NRG1: variants seen among roughly 807,000 people sequenced by gnomAD.
The protein encoded by NRG1 is neuregulin 1.
A neutral mutation model predicts 63.8 loss-of-function variants in NRG1; 18 were observed. The observed-to-expected ratio is 0.28, with a 90% CI of 0.19 to 0.42. NRG1 has a LOEUF of 0.42. NRG1 is among the 10% of genes least tolerant of loss of function. NRG1 has a pLI of 1.00. For synonymous variants in NRG1, 302 were observed against 301.3 expected (o/e 1.00, Z -0.02); for missense variants, 762 against 814.7 (o/e 0.94, Z 0.79).
chr8:32,066,012 T>C (rs1207684195), intron 1 of NRG1, among the ~76,000 whole-genome samples: 2 of 152,242 alleles, frequency 1.3e-5, no homozygotes, highest in African/African-American at 2.4e-5. Flanking sequence ...TCCTATCCTT[T>C]GCCCACTTTT....
At chr8:32,621,002 T>C (rs1220787806) in intron 5 of NRG1, among the ~76,000 whole-genome samples, 1 of 152,182 alleles carries the variant, frequency 6.6e-6, no homozygotes, top group African/African-American at 2.4e-5. Flanking sequence ...GAAATCATTC[T>C]TGACTGGAGG....
chr8:31,822,725 T>C (rs966956879), intron 1 of NRG1, among the ~76,000 whole-genome samples: 2 of 152,200 alleles, frequency 1.3e-5, no homozygotes, highest in Non-Finnish European at 2.9e-5. Context: ...TCTATATTCT[T>C]ATTTTGGAAG....
exon 8 of NRG1, chr8:32,754,451 T>G (rs1397196303): frequency 6.2e-7 from 1 of 1,613,892 alleles, no homozygotes; most frequent in Non-Finnish European, 8.5e-7. Flanking sequence ...GCATCATGTG[T>G]GTGGTGGCCT....
At chr8:32,039,514 TTA>T (rs1819595746) in intron 1 of NRG1, among the ~76,000 whole-genome samples, 1 of 152,232 alleles carries the variant, frequency 6.6e-6, no homozygotes, top group East Asian at 1.9e-4. Context: ...AGCACAGTTC[TTA>T]TAGTAAATGT....
chr8:32,309,348 T>A (rs1856565740), intron 1 of NRG1, among the ~76,000 whole-genome samples: 1 of 152,168 alleles, frequency 6.6e-6, no homozygotes, highest in Non-Finnish European at 1.5e-5. Flanking sequence ...GTGACTCCCC[T>A]AGAAAATGTA....
intron 1 of NRG1, among the ~76,000 whole-genome samples, chr8:31,814,916 C>A (rs1823287082): frequency 6.6e-6 from 1 of 151,854 alleles, no homozygotes; most frequent in Non-Finnish European, 1.5e-5. Context: ...TCCTGGACAC[C>A]CAAATAAAAA....
chr8:32,560,539 A>G (rs568853571), intron 1 of NRG1, among the ~76,000 whole-genome samples: 1 of 152,170 alleles, frequency 6.6e-6, no homozygotes, highest in African/African-American at 2.4e-5. Flanking sequence ...GAGTTGTAGG[A>G]GTTGATGGGT....
intron 6 of NRG1, among the ~76,000 whole-genome samples, chr8:32,732,141 G>A (rs763041648): frequency 1.3e-5 from 2 of 152,196 alleles, no homozygotes; most frequent in Non-Finnish European, 2.9e-5. Context: ...GGGAATTTCA[G>A]TGGTAGTTCT....
intron 1 of NRG1, among the ~76,000 whole-genome samples, chr8:32,225,759 C>A (rs556047429): frequency 6.6e-6 from 1 of 152,256 alleles, no homozygotes; most frequent in South Asian, 2.1e-4. Flanking sequence ...CATGACACCA[C>A]AGGGAAATTT....
chr8:32,242,871 G>T (rs764770371), intron 1 of NRG1, among the ~76,000 whole-genome samples: 1 of 152,088 alleles, frequency 6.6e-6, no homozygotes, highest in Non-Finnish European at 1.5e-5. Context: ...CCAGTGTATT[G>T]GTTTGCTAGG....
intron 5 of NRG1, among the ~76,000 whole-genome samples, chr8:32,722,979 A>C (rs904588940): frequency 6.6e-6 from 1 of 152,254 alleles, no homozygotes; most frequent in African/African-American, 2.4e-5. Context: ...ATAATTTCCT[A>C]AGAAACAACT....
chr8:32,386,627 G>C (rs975404699), intron 1 of NRG1, among the ~76,000 whole-genome samples: 1 of 152,128 alleles, frequency 6.6e-6, no homozygotes, highest in Non-Finnish European at 1.5e-5. Flanking sequence ...ACATTCTAAG[G>C]CCTATAAAGT....
chr8:31,804,684 T>G (rs1382781648), intron 1 of NRG1, among the ~76,000 whole-genome samples: 1 of 152,182 alleles, frequency 6.6e-6, no homozygotes, highest in Non-Finnish European at 1.5e-5. Context: ...TGAAGCTGAC[T>G]TTTTTCTTCT....
chr8:32,313,242 T>C (rs1857020753), intron 1 of NRG1, among the ~76,000 whole-genome samples: 1 of 152,164 alleles, frequency 6.6e-6, no homozygotes, highest in African/African-American at 2.4e-5. Context: ...GCTGTAGATG[T>C]TGGGAATGGA....
At chr8:31,966,369 G>T (rs1806334778) in intron 1 of NRG1, among the ~76,000 whole-genome samples, 1 of 152,122 alleles carries the variant, frequency 6.6e-6, no homozygotes, top group Non-Finnish European at 1.5e-5. Flanking sequence ...TAAGAGTAGG[G>T]ACATATTTAT....
At chr8:32,471,080 G>A (rs901998953) in intron 1 of NRG1, among the ~76,000 whole-genome samples, 2 of 152,214 alleles carry the variant, frequency 1.3e-5, no homozygotes, top group African/African-American at 4.8e-5. Flanking sequence ...GGGGATTGCA[G>A]GCTGTTTAAT....
At chr8:32,694,424 T>C (rs888695869) in intron 5 of NRG1, among the ~76,000 whole-genome samples, 8 of 152,218 alleles carry the variant, frequency 5.3e-5, no homozygotes, top group African/African-American at 1.9e-4. Flanking sequence ...TAATATTTAG[T>C]CTCGTGAGGT....
upstream of NRG1, chr8:32,548,264 T>C: frequency 1.0e-6 from 1 of 983,704 alleles, no homozygotes; most frequent in Non-Finnish European, 1.2e-6. Context: ...GGGCGGGAGG[T>C]GGGTGGCTGC....
At chr8:31,768,174 C>T (rs1056720006) in intron 1 of NRG1, among the ~76,000 whole-genome samples, 4 of 152,108 alleles carry the variant, frequency 2.6e-5, no homozygotes, top group Middle Eastern at 3.2e-3. Context: ...GTCATCAAGT[C>T]ACTATGCTAA....
Sources: gnomAD v4.1 joint callset for allele counts (sites outside exome capture counted in the v4.1 genomes callset) on GRCh38, gnomAD v4.1.1 for gene constraint, MANE v1.5 for transcripts, NCBI Gene and HGNC (gene_info 2026-07-23, HGNC 2026-07-21) for gene names.